The following DIAPH2 variants were observed in gnomAD, a reference collection of about 807,000 sequenced individuals.
DIAPH2 encodes the protein protein diaphanous homolog 2.
In DIAPH2, 35 loss-of-function variants were observed where a neutral mutation model predicts 92.7. That is an observed-to-expected ratio of 0.38 (90% CI 0.29 to 0.50). The LOEUF (loss-of-function observed/expected upper bound fraction) is 0.50. Among genes scored for constraint, DIAPH2 ranks in the 20% least tolerant of loss-of-function variants. The pLI, the probability that DIAPH2 is intolerant of heterozygous loss-of-function variation, is 0.94. For synonymous variants in DIAPH2, 301 were observed against 280.4 expected (o/e 1.07, Z -0.73); for missense variants, 701 against 819.5 (o/e 0.86, Z 1.77).
chrX:97,139,062 A>G (rs1324808430), intron 21 of DIAPH2, among the ~76,000 whole-genome samples: 1 of 111,255 alleles, frequency 9.0e-6, no homozygotes, highest in Non-Finnish European at 1.9e-5. Context: ...TAATCAGATT[A>G]GATTACTCTT....
chrX:97,147,711 C>G (rs1434297980), intron 22 of DIAPH2, among the ~76,000 whole-genome samples: 1 of 111,464 alleles, frequency 9.0e-6, no homozygotes, highest in Admixed American at 9.6e-5. Context: ...TGGTGCCATC[C>G]TACAAGATAA....
intron 19 of DIAPH2, among the ~76,000 whole-genome samples, chrX:97,081,062 C>T (rs992590933): frequency 8.0e-5 from 9 of 111,980 alleles, no homozygotes; most frequent in Admixed American, 7.5e-4. Context: ...TAAATAACAA[C>T]TTGTATTCAC....
intron 17 of DIAPH2, among the ~76,000 whole-genome samples, chrX:97,066,273 T>C (rs1006298518): frequency 4.5e-5 from 5 of 112,139 alleles, no homozygotes; most frequent in African/African-American, 1.3e-4. Flanking sequence ...TTATCTTTTA[T>C]ATCATAATTT....
chrX:97,034,402 T>A (rs2066396141), intron 17 of DIAPH2, among the ~76,000 whole-genome samples: 1 of 110,282 alleles, frequency 9.1e-6, no homozygotes, highest in African/African-American at 3.3e-5. Context: ...AGATTTTTTT[T>A]AATGTTGTTA....
chrX:97,182,065 G>C (rs1246998968), intron 22 of DIAPH2, among the ~76,000 whole-genome samples: 1 of 111,207 alleles, frequency 9.0e-6, no homozygotes, highest in Non-Finnish European at 1.9e-5. Context: ...TTCAGTGAAG[G>C]TTAGGACAAG....
intron 4 of DIAPH2, among the ~76,000 whole-genome samples, chrX:96,818,298 C>A (rs1323061376): frequency 1.8e-5 from 2 of 109,651 alleles, no homozygotes; most frequent in East Asian, 5.7e-4. Context: ...TTCTTTAAAC[C>A]CAGCATTTCT....
At chrX:97,284,020 C>T (rs926398397) in intron 23 of DIAPH2, among the ~76,000 whole-genome samples, 23 of 112,219 alleles carry the variant, frequency 2.0e-4, no homozygotes, top group African/African-American at 6.8e-4. Flanking sequence ...TAGATGCAAT[C>T]GTAGGCTGAA....
intron 4 of DIAPH2, among the ~76,000 whole-genome samples, chrX:96,879,767 T>G (rs964477225): frequency 1.8e-5 from 2 of 110,890 alleles, no homozygotes; most frequent in African/African-American, 3.3e-5. Context: ...TCTTGCTCTG[T>G]GGCTCAGGCT....
chrX:97,258,640 C>T (rs1446114671), intron 23 of DIAPH2, among the ~76,000 whole-genome samples: 33 of 107,302 alleles, frequency 3.1e-4, no homozygotes, highest in East Asian at 1.5e-3. Context: ...GAGACTGAGG[C>T]GGGTGGATCA....
intron 23 of DIAPH2, among the ~76,000 whole-genome samples, chrX:97,269,991 C>T (rs1033535853): frequency 4.5e-5 from 5 of 110,077 alleles, no homozygotes; most frequent in Non-Finnish European, 9.5e-5. Flanking sequence ...AGTGCAGTGG[C>T]GTGATCTCGG....
intron 3 of DIAPH2, among the ~76,000 whole-genome samples, chrX:96,748,077 T>G (rs2064161446): frequency 8.9e-6 from 1 of 112,166 alleles, no homozygotes; most frequent in Non-Finnish European, 1.9e-5. Flanking sequence ...TAAACAGATC[T>G]AAAAGGTAAC....
chrX:97,294,477 G>GT (rs745337210), intron 23 of DIAPH2, among the ~76,000 whole-genome samples: 5 of 111,584 alleles, frequency 4.5e-5, no homozygotes, highest in African/African-American at 1.3e-4. Context: ...ACTTTGTCTA[G>GT]TTTTTTTAAG....
At chrX:96,988,937 A>G (rs186380408) in intron 17 of DIAPH2, among the ~76,000 whole-genome samples, 17 of 111,096 alleles carry the variant, frequency 1.5e-4, no homozygotes, top group Non-Finnish European at 2.7e-4. Context: ...AACTAAATCT[A>G]TGATCCAAGA....
chrX:96,899,196 A>C (rs368825579), intron 5 of DIAPH2, among the ~76,000 whole-genome samples: 7 of 107,419 alleles, frequency 6.5e-5, no homozygotes, highest in African/African-American at 2.3e-4. Flanking sequence ...CTTAGGATTG[A>C]CTTGGCGATG....
chrX:96,765,193 GTTTTTTT>G (rs142407154), intron 4 of DIAPH2, among the ~76,000 whole-genome samples: 34,786 of 82,899 alleles, frequency 0.42, 5,961 homozygotes, highest in South Asian at 0.57. Flanking sequence ...ATATTCACAT[GTTTTTTT>G]TTTTTTTTTT....
At position 97,565,598 on chromosome X, in the gene DIAPH2, C is replaced by G. The variant is rs774387493; in HGVS notation, c.3242-33655C>G. Reference sequence around the variant, plus strand: ...ATTTGTTTAGTTATACAGATATATTCAAATTGTAGATGATGCAGAATAATC... The same window carrying G: ...ATTTGTTTAGTTATACAGATATATTGAAATTGTAGATGATGCAGAATAATC... On this transcript the variant is annotated intron_variant, in intron 26 of 26. Coordinates refer to ENST00000324765, the MANE Select transcript of DIAPH2 (RefSeq NM_006729.5). 7.1e-5 allele frequency among the ~76,000 whole-genome samples: 8 copies of G among 112,216 alleles called. No homozygotes were observed. In the South Asian group the frequency reaches 2.9e-3, roughly 41 times the overall value.
chrX:97,128,425 C>A lies in DIAPH2; in HGVS notation c.2590-13240C>A, dbSNP rs187973741. On this transcript the variant is annotated intron_variant, in intron 21 of 26. Coordinates refer to ENST00000324765, the MANE Select transcript of DIAPH2 (RefSeq NM_006729.5). ...GTCCTTATGACCTGTATTTTGTGCT[C>A]ACCTCCTATCTCACCTGTGATTTCG... Among the ~76,000 whole-genome samples, 10 of 111,225 alleles carry A rather than the reference C, an allele frequency of 9.0e-5. No individual in the cohort carries two copies. In the East Asian group the frequency reaches 2.6e-3, roughly 29 times the overall value.
intron 5 of DIAPH2, among the ~76,000 whole-genome samples, chrX:96,899,483 G>T (rs2065375989): frequency 9.0e-6 from 1 of 111,052 alleles, no homozygotes; most frequent in South Asian, 3.8e-4. Context: ...TCTTCTCTTT[G>T]AGGCAATTGT....
At chrX:97,276,319 A>T (rs1376592496) in intron 23 of DIAPH2, among the ~76,000 whole-genome samples, 2 of 111,758 alleles carry the variant, frequency 1.8e-5, no homozygotes, top group African/African-American at 6.5e-5. Flanking sequence ...ACAAGTTTTT[A>T]AAATAACTTT....
Sources: allele counts gnomAD v4.1 joint callset (sites outside exome capture counted in the v4.1 genomes callset), GRCh38; gene constraint gnomAD v4.1.1; transcripts MANE v1.5; gene names NCBI Gene and HGNC (gene_info 2026-07-23, HGNC 2026-07-21).